Variants in STARD13 observed in about 807,000 individuals in gnomAD.
STARD13 encodes the protein StAR related lipid transfer domain containing 13.
STARD13 carries 62 observed loss-of-function variants against 106.4 expected under a neutral mutation model. That is an observed-to-expected ratio of 0.58 (90% CI 0.48 to 0.72). The LOEUF is 0.72. Ranked by LOEUF, STARD13 falls within the 30% of genes least tolerant of loss-of-function variation. STARD13 has a pLI of 0.00. For missense variants in STARD13, 1,387 were observed against 1,424.0 expected, an observed-to-expected ratio of 0.97 and a Z score of 0.42; for synonymous variants, 565 against 553.0, an observed-to-expected ratio of 1.02 and a Z score of -0.31.
chr13:33,326,475 T>C (rs2138545243), intron 1 of STARD13, among the ~76,000 whole-genome samples: 1 of 152,362 alleles, frequency 6.6e-6, no homozygotes, highest in East Asian at 1.9e-4. Context: ...ACTATTGTCT[T>C]TGGTTTCTTC....
At chr13:33,317,488 A>G (rs1893384913) in intron 1 of STARD13, among the ~76,000 whole-genome samples, 1 of 152,070 alleles carries the variant, frequency 6.6e-6, no homozygotes, top group Non-Finnish European at 1.5e-5. Flanking sequence ...CCCTGCTTTC[A>G]TTCTTGCCCT....
At chr13:33,379,566 T>TGG in the STARD13 span, among the ~76,000 whole-genome samples, 1 of 152,212 alleles carries the variant, frequency 6.6e-6, no homozygotes, top group Non-Finnish European at 1.5e-5. Context: ...GTTCTCTCAC[T>TGG]GGGAAGGCAT....
chr13:33,590,742 A>G, the STARD13 span, among the ~76,000 whole-genome samples: 2 of 150,584 alleles, frequency 1.3e-5, no homozygotes, highest in African/African-American at 4.9e-5. Flanking sequence ...GCATTAGGAG[A>G]TATACCTAAT....
At chr13:33,163,623 T>TAA (rs1413369203) in intron 3 of STARD13, among the ~76,000 whole-genome samples, 1,616 of 118,536 alleles carry the variant, frequency 0.014, 35 homozygotes, top group East Asian at 0.037. Context: ...TATATATATA[T>TAA]AAAACATATA....
the STARD13 span, among the ~76,000 whole-genome samples, chr13:33,464,510 A>G: frequency 6.6e-6 from 1 of 152,086 alleles, no homozygotes; most frequent in Non-Finnish European, 1.5e-5. Context: ...CACTGATCCT[A>G]TGCTACTATT....
intron 7 of STARD13, among the ~76,000 whole-genome samples, chr13:33,124,359 T>C (rs1186416390): frequency 6.6e-6 from 1 of 152,218 alleles, no homozygotes; most frequent in Non-Finnish European, 1.5e-5. Context: ...CTACGGATTC[T>C]CCCATGTGAC....
chr13:33,214,192 T>G (rs1348309378), intron 1 of STARD13, among the ~76,000 whole-genome samples: 1 of 152,254 alleles, frequency 6.6e-6, no homozygotes, highest in East Asian at 1.9e-4. Context: ...GAAAGTGTAA[T>G]GAGCATCATC....
chr13:33,143,744 G>T (rs1302831803), intron 3 of STARD13, among the ~76,000 whole-genome samples: 3 of 151,976 alleles, frequency 2.0e-5, no homozygotes, highest in Admixed American at 6.6e-5. Flanking sequence ...ATAGAGATGG[G>T]GTTTCACCAT....
At chr13:33,254,282 G>T (rs892750172) in intron 1 of STARD13, among the ~76,000 whole-genome samples, 1 of 152,188 alleles carries the variant, frequency 6.6e-6, no homozygotes, top group Admixed American at 6.5e-5. Context: ...GGGTAGTCAG[G>T]ACAATAGGCT....
At chr13:33,538,828 G>C in the STARD13 span, among the ~76,000 whole-genome samples, 16 of 151,050 alleles carry the variant, frequency 1.1e-4, no homozygotes, top group African/African-American at 3.9e-4. Flanking sequence ...GGAGTGCAGT[G>C]TTATAATCTC....
intron 1 of STARD13, among the ~76,000 whole-genome samples, chr13:33,206,492 G>A (rs2138119600): frequency 6.6e-6 from 1 of 152,270 alleles, no homozygotes; most frequent in East Asian, 1.9e-4. Flanking sequence ...AACAAAATCA[G>A]TGCACATTTA....
At chr13:33,207,913 C>A (rs1887507809) in intron 1 of STARD13, among the ~76,000 whole-genome samples, 1 of 152,200 alleles carries the variant, frequency 6.6e-6, no homozygotes. Flanking sequence ...TGCTCCTACC[C>A]TGCCTGGCAC....
chr13:33,454,737 A>G, the STARD13 span, among the ~76,000 whole-genome samples: 1 of 152,182 alleles, frequency 6.6e-6, no homozygotes, highest in African/African-American at 2.4e-5. Context: ...GCATGCTTAG[A>G]TTTGTGATAT....
the STARD13 span, among the ~76,000 whole-genome samples, chr13:33,590,292 G>A: frequency 7.0e-3 from 1,070 of 152,178 alleles, 21 homozygotes; most frequent in African/African-American, 0.024. Flanking sequence ...ACAGTGTGGC[G>A]ATTCCTCAAG....
At chr13:33,570,547 G>A in the STARD13 span, among the ~76,000 whole-genome samples, 50 of 147,876 alleles carry the variant, frequency 3.4e-4, 2 homozygotes, top group African/African-American at 1.1e-3. Flanking sequence ...ACTGTAATTC[G>A]CTAACAACTC....
At chr13:33,589,746 G>A in the STARD13 span, among the ~76,000 whole-genome samples, 13 of 152,156 alleles carry the variant, frequency 8.5e-5, no homozygotes, top group Non-Finnish European at 1.5e-4. Context: ...GAATAAGTGC[G>A]ATGTGGTGCT....
the STARD13 span, among the ~76,000 whole-genome samples, chr13:33,553,925 T>G: frequency 6.6e-6 from 1 of 152,058 alleles, no homozygotes; most frequent in Non-Finnish European, 1.5e-5. Context: ...TATCAAAATT[T>G]TAGAATTTAT....
chr13:33,257,581 G>A (rs942998669), intron 1 of STARD13, among the ~76,000 whole-genome samples: 1 of 152,028 alleles, frequency 6.6e-6, no homozygotes, highest in African/African-American at 2.4e-5. Context: ...AGGAGAAGGT[G>A]GCAGGCAGAT....
chr13:33,120,441 C>A (rs1233798111), intron 7 of STARD13, among the ~76,000 whole-genome samples: 2 of 152,150 alleles, frequency 1.3e-5, no homozygotes, highest in African/African-American at 2.4e-5. Context: ...GGGCTCTGAG[C>A]TGCTTTTTCT....
Sources: gnomAD v4.1 joint callset for allele counts (sites outside exome capture counted in the v4.1 genomes callset) on GRCh38, gnomAD v4.1.1 for gene constraint, MANE v1.5 for transcripts, NCBI Gene and HGNC (gene_info 2026-07-23, HGNC 2026-07-21) for gene names.